Variants in FHOD3 observed in about 807,000 individuals in gnomAD.
FHOD3 encodes formin homology 2 domain containing 3, also known as FH1/FH2 domain-containing protein 3.
Under a neutral mutation model 173.0 loss-of-function variants are expected in FHOD3, and 90 were observed. The observed-to-expected ratio is 0.52, with a 90% CI of 0.44 to 0.62. The LOEUF (loss-of-function observed/expected upper bound fraction) is 0.62, where lower values mean the gene tolerates loss of function less well. Among genes scored for constraint, FHOD3 ranks in the 20% least tolerant of loss-of-function variants. FHOD3 has a pLI of 0.00. For synonymous variants in FHOD3, 828 were observed against 823.0 expected, an observed-to-expected ratio of 1.01 and a Z score of -0.10; for missense variants, 1,945 against 2,034.7, an observed-to-expected ratio of 0.96 and a Z score of 0.85.
chr18:36,487,049 CAGTTG>C (rs1351782038), intron 3 of FHOD3, among the ~76,000 whole-genome samples: 1 of 152,184 alleles, frequency 6.6e-6, no homozygotes, highest in African/African-American at 2.4e-5. Flanking sequence ...AACTGATGGA[CAGTTG>C]AGTTGTTTCC....
At chr18:36,741,091 C>T (rs1010756748) in intron 21 of FHOD3, among the ~76,000 whole-genome samples, 4 of 152,136 alleles carry the variant, frequency 2.6e-5, no homozygotes, top group African/African-American at 9.7e-5. Context: ...CAAAACAAAA[C>T]AATTACATTT....
intron 19 of FHOD3, among the ~76,000 whole-genome samples, chr18:36,721,151 G>A (rs2040766110): frequency 6.6e-6 from 1 of 152,178 alleles, no homozygotes; most frequent in Non-Finnish European, 1.5e-5. Flanking sequence ...ATAGACAAAT[G>A]TTTGCATAGT....
chr18:36,606,522 G>A (rs1265371296), intron 8 of FHOD3, among the ~76,000 whole-genome samples: 1 of 152,044 alleles, frequency 6.6e-6, no homozygotes, highest in Non-Finnish European at 1.5e-5. Context: ...GAACTTTGGG[G>A]GGCATATTAA....
intron 5 of FHOD3, among the ~76,000 whole-genome samples, chr18:36,518,805 T>A (rs979519681): frequency 2.0e-5 from 3 of 152,178 alleles, no homozygotes; most frequent in Non-Finnish European, 4.4e-5. Context: ...TGTTTGCTTT[T>A]TCTTCCTCCT....
At chr18:36,772,127 A>C (rs111643189) in intron 28 of FHOD3, among the ~76,000 whole-genome samples, 182 of 152,344 alleles carry the variant, frequency 1.2e-3, no homozygotes, top group African/African-American at 4.3e-3. Flanking sequence ...TTTTATGCAA[A>C]ACAGTCATAT....
intron 3 of FHOD3, among the ~76,000 whole-genome samples, chr18:36,491,203 G>A (rs1250843597): frequency 6.6e-6 from 1 of 152,112 alleles, no homozygotes; most frequent in African/African-American, 2.4e-5. Context: ...TGAGCCTGGG[G>A]ACTCTCCCAC....
At chr18:36,500,046 C>G (rs955661380) in intron 3 of FHOD3, among the ~76,000 whole-genome samples, 8 of 152,268 alleles carry the variant, frequency 5.3e-5, no homozygotes, top group African/African-American at 1.7e-4. Flanking sequence ...CCTGCACTGC[C>G]CCAGGATGTG....
At chr18:36,397,634 C>T (rs1288309180) in intron 3 of FHOD3, among the ~76,000 whole-genome samples, 2 of 152,100 alleles carry the variant, frequency 1.3e-5, no homozygotes, top group Non-Finnish European at 2.9e-5. Context: ...AGAATCCTGT[C>T]TTTATTGGTG....
chr18:36,718,644 C>T lies in FHOD3; in HGVS notation c.3346C>T (p.Pro1116Ser), dbSNP rs1489439222. ...CREFLWSKLE[P>S]IKVDTSRLEH... Reference sequence around the variant, plus strand: ...AGAATTCCTGTGGTCAAAACTGGAACCCATTAAGGTGGACACTTCCAGACT... The same window carrying T: ...AGAATTCCTGTGGTCAAAACTGGAATCCATTAAGGTGGACACTTCCAGACT... Residue 1116 changes from proline to serine, a missense_variant, in exon 19 of 29, where the codon CCC becomes TCC. Physicochemically the swap from Pro to Ser is moderately conservative, Grantham distance 74 (BLOSUM62 -1). Coordinates refer to ENST00000590592, the MANE Select transcript of FHOD3 (RefSeq NM_001281740.3). 1.2e-6 allele frequency: 2 copies of T among 1,614,176 alleles called. No individual in the cohort carries two copies. The highest frequency in any genetic ancestry group is 1.1e-5 in the South Asian group (1 of 91,084).
intron 3 of FHOD3, among the ~76,000 whole-genome samples, chr18:36,445,245 A>T (rs537493406): frequency 6.6e-6 from 1 of 152,304 alleles, no homozygotes; most frequent in African/African-American, 2.4e-5. Context: ...GGACTTAGAT[A>T]GTTAATCCAT....
At chr18:36,702,865 T>G (rs988130544) in intron 17 of FHOD3, among the ~76,000 whole-genome samples, 6 of 108,358 alleles carry the variant, frequency 5.5e-5, no homozygotes, top group Non-Finnish European at 8.1e-5. Context: ...CAGGAATGAT[T>G]ATGTACTTCT....
chr18:36,678,954 T>C (rs999065916), intron 14 of FHOD3, among the ~76,000 whole-genome samples: 2 of 152,148 alleles, frequency 1.3e-5, no homozygotes, highest in African/African-American at 4.8e-5. Flanking sequence ...TGGGAGATTT[T>C]TTCTTCTTTA....
chr18:36,508,646 CAAAAA>C (rs56780791), intron 4 of FHOD3, among the ~76,000 whole-genome samples: 5 of 109,090 alleles, frequency 4.6e-5, no homozygotes, highest in African/African-American at 1.5e-4. Flanking sequence ...AATGGATTGA[CAAAAA>C]AAAAAAAAAA....
intron 2 of FHOD3, among the ~76,000 whole-genome samples, chr18:36,362,577 G>A (rs1347955375): frequency 6.6e-6 from 1 of 152,178 alleles, no homozygotes; most frequent in Non-Finnish European, 1.5e-5. Flanking sequence ...GGCTAGGGGT[G>A]ATTCCTTGGA....
At chr18:36,314,035 A>G (rs1470002508) in intron 1 of FHOD3, among the ~76,000 whole-genome samples, 2 of 152,214 alleles carry the variant, frequency 1.3e-5, no homozygotes, top group African/African-American at 4.8e-5. Context: ...GGCATGAGCC[A>G]CTGCACCTGG....
chr18:36,656,244 G>T (rs2036419313), intron 13 of FHOD3, among the ~76,000 whole-genome samples: 1 of 152,050 alleles, frequency 6.6e-6, no homozygotes, highest in African/African-American at 2.4e-5. Flanking sequence ...CTTTGCTTTT[G>T]TGCTTCCTAT....
chr18:36,441,804 A>C (rs563191548), intron 3 of FHOD3, among the ~76,000 whole-genome samples: 41 of 152,184 alleles, frequency 2.7e-4, no homozygotes, highest in Non-Finnish European at 5.1e-4. Context: ...GTACCTCCTC[A>C]TGGAATCGTG....
At chr18:36,515,289 C>T (rs1183638693) in intron 5 of FHOD3, among the ~76,000 whole-genome samples, 4 of 152,158 alleles carry the variant, frequency 2.6e-5, no homozygotes, top group Non-Finnish European at 1.5e-5. Context: ...GCCATCTGGG[C>T]TCACTGCAAG....
intron 3 of FHOD3, among the ~76,000 whole-genome samples, chr18:36,499,447 G>C (rs950539785): frequency 6.6e-6 from 1 of 152,184 alleles, no homozygotes; most frequent in Non-Finnish European, 1.5e-5. Context: ...CTTTTCTACT[G>C]ATGTTCTTCC....
Sources: gnomAD v4.1 joint callset for allele counts (sites outside exome capture counted in the v4.1 genomes callset) on GRCh38, gnomAD v4.1.1 for gene constraint, MANE v1.5 for transcripts, NCBI Gene and HGNC (gene_info 2026-07-23, HGNC 2026-07-21) for gene names.